IMPG1: variants seen among roughly 807,000 people sequenced by gnomAD.
IMPG1 encodes interphotoreceptor matrix proteoglycan of 150 kDa.
IMPG1 carries 85 observed loss-of-function variants against 92.0 expected under a neutral mutation model. The ratio of observed to expected loss-of-function variants is 0.92; its 90% CI spans 0.78 to 1.11. IMPG1 has a LOEUF of 1.11. Ranked by LOEUF, IMPG1 falls within the 50% of genes least tolerant of loss-of-function variation. The pLI is 0.00. For missense variants in IMPG1, 1,022 were observed against 956.0 expected, an observed-to-expected ratio of 1.07 and a Z score of -0.91; for synonymous variants, 367 against 334.1, an observed-to-expected ratio of 1.10 and a Z score of -1.08.
intron 2 of IMPG1, 49 bp from the exon 3 acceptor site, chr6:76,034,836 C>G: frequency 6.6e-7 from 1 of 1,504,046 alleles, no homozygotes. Flanking sequence ...GTCCCCGTAC[C>G]CAATCCCAAG....
chr6:76,063,268 G>T (rs1784240680), intron 1 of IMPG1, among the ~76,000 whole-genome samples: 1 of 151,588 alleles, frequency 6.6e-6, no homozygotes, highest in Admixed American at 6.6e-5. Flanking sequence ...GAAAGAAAAA[G>T]AAAGAAGACT....
intron 2 of IMPG1, among the ~76,000 whole-genome samples, chr6:76,037,754 C>T (rs1042180968): frequency 6.6e-6 from 1 of 152,168 alleles, no homozygotes; most frequent in African/African-American, 2.4e-5. Flanking sequence ...GTCAGAGATA[C>T]AACAATACAT....
chr6:76,024,927 G>T (rs1426066899), intron 5 of IMPG1: 1 of 519,518 alleles, frequency 1.9e-6, no homozygotes, highest in Non-Finnish European at 3.7e-6. Flanking sequence ...ATAGAAGAAA[G>T]AAGGCAGAAA....
At chr6:75,925,176 T>C (rs958348278) in intron 15 of IMPG1, among the ~76,000 whole-genome samples, 1 of 152,156 alleles carries the variant, frequency 6.6e-6, no homozygotes, top group African/African-American at 2.4e-5. Flanking sequence ...TTACCCTGAT[T>C]TGATCATTGC....
chr6:75,955,872 CA>C (rs1419034618), intron 12 of IMPG1, among the ~76,000 whole-genome samples: 1 of 152,122 alleles, frequency 6.6e-6, no homozygotes, highest in African/African-American at 2.4e-5. Context: ...TAGCTTTTGT[CA>C]TTGGTTCTGT....
chr6:75,980,688 T>C (rs1021057254), intron 12 of IMPG1, among the ~76,000 whole-genome samples: 2 of 152,236 alleles, frequency 1.3e-5, no homozygotes, highest in Middle Eastern at 3.2e-3. Flanking sequence ...CTCAGGCCTT[T>C]GGCCACAGAC....
chr6:76,004,120 A>G (rs1783048712), intron 10 of IMPG1, among the ~76,000 whole-genome samples, 170 bp from the exon 11 acceptor site: 3 of 152,226 alleles, frequency 2.0e-5, no homozygotes, highest in African/African-American at 7.2e-5. Context: ...TCTGAATGAT[A>G]TATTGAAGGA....
At chr6:75,949,157 A>T (rs1781983774) in intron 13 of IMPG1, among the ~76,000 whole-genome samples, 1 of 152,130 alleles carries the variant, frequency 6.6e-6, no homozygotes, top group Non-Finnish European at 1.5e-5. Flanking sequence ...AACCAGCACA[A>T]CTCCATCTTG....
At chr6:75,974,167 C>A (rs1348268100) in intron 12 of IMPG1, among the ~76,000 whole-genome samples, 1 of 152,072 alleles carries the variant, frequency 6.6e-6, no homozygotes, top group Non-Finnish European at 1.5e-5. Flanking sequence ...CATTTTAGTG[C>A]AAATTTGGAA....
At chr6:75,925,966 GTATT>G (rs925236019) in intron 15 of IMPG1, among the ~76,000 whole-genome samples, 6 of 152,070 alleles carry the variant, frequency 3.9e-5, no homozygotes, top group African/African-American at 7.2e-5. Context: ...TGCCAGGCCT[GTATT>G]TATTTATTTG....
At chr6:76,021,048 T>C (rs1302352883) in intron 6 of IMPG1, among the ~76,000 whole-genome samples, 1 of 152,030 alleles carries the variant, frequency 6.6e-6, no homozygotes, top group Non-Finnish European at 1.5e-5. Flanking sequence ...TAACTGAGAG[T>C]CTAGCACATT....
At chr6:76,036,057 T>C (rs1486708048) in intron 2 of IMPG1, among the ~76,000 whole-genome samples, 1 of 152,182 alleles carries the variant, frequency 6.6e-6, no homozygotes, top group Non-Finnish European at 1.5e-5. Context: ...GTAACAAAAC[T>C]CCATCTGTTC....
chr6:76,010,228 AC>A (rs1783161889), intron 8 of IMPG1, among the ~76,000 whole-genome samples: 1 of 152,146 alleles, frequency 6.6e-6, no homozygotes, highest in Non-Finnish European at 1.5e-5. Context: ...TTGCTTTCAG[AC>A]AGTAGGCAGT....
In IMPG1 at chr6:75,974,408, C is replaced by CCTTCCTTCCTTG. The variant is rs1402619133; in HGVS notation, c.1292-23315_1292-23314insCAAGGAAGGAAG. Among the ~76,000 whole-genome samples, 1,034 of 122,798 alleles carry CCTTCCTTCCTTG rather than the reference C, an allele frequency of 8.4e-3. 44 individuals carry two copies. The highest frequency in any genetic ancestry group is 0.072 in the East Asian group (272 of 3,776). 80.6% of individuals were successfully genotyped at this position (122,798 alleles called of 152,430 possible). A position where few individuals can be genotyped will look rare whatever the true frequency, so the allele number is the denominator to read the frequency against. ...CTTTCTTTCTTTTCTTTCTTTCCTT[C>CCTTCCTTCCTTG]CTTCCTTCCTTCCTTCCTTGCTTCC... On this transcript the variant is annotated intron_variant, in intron 12 of 16. Transcript: ENST00000369950.
Position 76,005,486 on chromosome 6 carries a change from A to C in IMPG1, c.936T>G (p.Ser312Arg). 1 of 1,613,934 alleles carries C rather than the reference A, an allele frequency of 6.2e-7. No individual in the cohort carries two copies. Among genetic ancestry groups the C allele is most frequent in the Non-Finnish European group, 8.5e-7 (1 of 1,179,922 alleles). ...MQLTAIFKRH[S>R]AEAKSPASDL... ...CACTTGCAGGGCTTTTTGCTTCTGC[A>C]CTGTGTCTCTTAAAGATGGCCGTAA... Residue 312 changes from serine to arginine, a missense_variant, in exon 10 of 17, where the codon AGT (serine) becomes AGG (arginine). By Grantham distance (110) the Ser-to-Arg change is moderately radical. Around this residue, in one of 3 missense-constraint regions of IMPG1, gnomAD observed 681 missense variants for 583.6 expected, o/e 1.17. Coordinates refer to ENST00000369950, the MANE Select transcript of IMPG1 (RefSeq NM_001563.4).
At chr6:76,028,319 G>T (rs1054442730) in intron 4 of IMPG1, among the ~76,000 whole-genome samples, 1 of 152,122 alleles carries the variant, frequency 6.6e-6, no homozygotes, top group African/African-American at 2.4e-5. Context: ...GCAAATACAT[G>T]ATTCTGTTAA....
rs150567965 is a variant in IMPG1 at position 75,961,449 on chromosome 6, A to G, written c.1292-10355T>C. Among the ~76,000 whole-genome samples the G allele has an allele frequency of 1.7e-3, 266 of 152,346 alleles. 2 individuals are homozygous for G. The highest frequency in any genetic ancestry group is 6.3e-3 in the African/African-American group (260 of 41,574). ...GATAGCCTAGTATGTGCCAGGCATT[A>G]TTCCAGGTGCTAAAATATATAAGTG... On this transcript the variant is annotated intron_variant, in intron 12 of 16. Coordinates refer to ENST00000369950, the MANE Select transcript of IMPG1 (RefSeq NM_001563.4).
intron 12 of IMPG1, among the ~76,000 whole-genome samples, chr6:75,982,714 C>T (rs944675585): frequency 3.3e-5 from 5 of 151,916 alleles, no homozygotes; most frequent in Non-Finnish European, 7.4e-5. Flanking sequence ...CTGAGCAAAT[C>T]ACCTCTTTTT....
intron 14 of IMPG1, among the ~76,000 whole-genome samples, chr6:75,934,305 A>G (rs371131129): frequency 3.9e-5 from 6 of 152,260 alleles, no homozygotes; most frequent in Non-Finnish European, 8.8e-5. Context: ...TGTGACAGCA[A>G]TGAACATGTC....
Sources: allele counts gnomAD v4.1 joint callset (sites outside exome capture counted in the v4.1 genomes callset), GRCh38; gene constraint gnomAD v4.1.1; regional missense constraint gnomAD v4.1.1; transcripts MANE v1.5; gene names NCBI Gene and HGNC (gene_info 2026-07-23, HGNC 2026-07-21).